TMEM74: variants seen among roughly 807,000 people sequenced by gnomAD.
TMEM74 encodes transmembrane protein 74.
In TMEM74, 13 loss-of-function variants were observed where a neutral mutation model predicts 18.1. That is an observed-to-expected ratio of 0.72 (90% CI 0.47 to 1.14). The LOEUF (loss-of-function observed/expected upper bound fraction) is 1.14. TMEM74 is among the 50% of genes most tolerant of loss of function. The pLI is 0.00. For synonymous variants in TMEM74, 159 were observed against 146.6 expected, an observed-to-expected ratio of 1.08 and a Z score of -0.61; for missense variants, 372 against 375.9, an observed-to-expected ratio of 0.99 and a Z score of 0.09.
chr8:108,697,347 T>C (rs76784652), intron 1 of TMEM74, among the ~76,000 whole-genome samples: 4,464 of 152,306 alleles, frequency 0.029, 120 homozygotes, highest in African/African-American at 0.066. Flanking sequence ...GCTAGTTATG[T>C]GGCTATTGAA....
chr8:108,690,476 G>GT (rs112620036), intron 1 of TMEM74, among the ~76,000 whole-genome samples: 1 of 151,518 alleles, frequency 6.6e-6, no homozygotes, highest in South Asian at 2.1e-4. Flanking sequence ...GGCAAGGCAG[G>GT]TTTTTTGTTT....
intron 2 of TMEM74, among the ~76,000 whole-genome samples, chr8:108,651,919 C>T (rs1812778520): frequency 6.6e-6 from 1 of 150,834 alleles, no homozygotes; most frequent in Non-Finnish European, 1.5e-5. Flanking sequence ...CTTATACACC[C>T]AGTGTTACGA....
At chr8:108,718,814 TC>T (rs1270755029) in intron 1 of TMEM74, among the ~76,000 whole-genome samples, 2 of 152,112 alleles carry the variant, frequency 1.3e-5, no homozygotes, top group Non-Finnish European at 2.9e-5. Flanking sequence ...AATTGTAGTT[TC>T]TATTCTTATT....
rs572724069 is a variant in TMEM74, at chr8:108,744,436, T to G, written n.119+43040A>C. Among the ~76,000 whole-genome samples, 11 of 152,192 alleles carry G rather than the reference T, an allele frequency of 7.2e-5. No homozygotes were observed. The South Asian group carries it at 2.3e-3, about 32-fold the overall frequency. On this transcript the variant is annotated intron_variant and non_coding_transcript_variant, in intron 1 of 3. Transcript: ENST00000518838. ...TTCTGTGGCTGTTTTTACTAAGAGA[T>G]TTTTAGGAGGTTTAGTATTTATACA...
intron 1 of TMEM74, among the ~76,000 whole-genome samples, chr8:108,732,163 T>C (rs1436824714): frequency 6.6e-6 from 1 of 152,172 alleles, no homozygotes. Context: ...TTTACAGTAG[T>C]ATTGGAGCCA....
At chr8:108,772,386 T>G (rs756913396) in intron 1 of TMEM74, among the ~76,000 whole-genome samples, 1 of 152,172 alleles carries the variant, frequency 6.6e-6, no homozygotes, top group African/African-American at 2.4e-5. Flanking sequence ...AACAAGTGAC[T>G]AGTATGAGTT....
At chr8:108,701,776 T>C (rs1296337874) in intron 1 of TMEM74, among the ~76,000 whole-genome samples, 5 of 152,176 alleles carry the variant, frequency 3.3e-5, no homozygotes, top group Non-Finnish European at 5.9e-5. Flanking sequence ...TTTATGTTCA[T>C]GTAAAGAGTC....
intron 2 of TMEM74, among the ~76,000 whole-genome samples, chr8:108,649,911 G>C (rs11992663): frequency 2.6e-5 from 4 of 151,890 alleles, no homozygotes; most frequent in Non-Finnish European, 5.9e-5. Flanking sequence ...ATTTTGCCTC[G>C]GCTTTCATAG....
chr8:108,629,667 G>C (rs1334441368), intron 2 of TMEM74, among the ~76,000 whole-genome samples: 1 of 151,958 alleles, frequency 6.6e-6, no homozygotes, highest in African/African-American at 2.4e-5. Context: ...AGAAGAGAGT[G>C]GGGGCCAACA....
At chr8:108,730,359 T>C (rs1481225559) in intron 1 of TMEM74, among the ~76,000 whole-genome samples, 1 of 152,072 alleles carries the variant, frequency 6.6e-6, no homozygotes, top group Non-Finnish European at 1.5e-5. Flanking sequence ...AGGGCTGCAT[T>C]TAAACAGTAG....
At chr8:108,751,963 A>G (rs1813907899) in intron 1 of TMEM74, among the ~76,000 whole-genome samples, 2 of 152,146 alleles carry the variant, frequency 1.3e-5, no homozygotes, top group African/African-American at 4.8e-5. Flanking sequence ...ACTTTATTAA[A>G]GAGAAAGAGG....
At chr8:108,680,825 A>T (rs543640165) in intron 1 of TMEM74, among the ~76,000 whole-genome samples, 3 of 152,312 alleles carry the variant, frequency 2.0e-5, no homozygotes, top group African/African-American at 7.2e-5. Context: ...AAGCCTCAGG[A>T]TACAAAATCA....
At chr8:108,676,150 G>A (rs1813054091) in intron 1 of TMEM74, among the ~76,000 whole-genome samples, 1 of 152,148 alleles carries the variant, frequency 6.6e-6, no homozygotes. Context: ...CTGGCTGGCA[G>A]AAATGGAATG....
chr8:108,750,920 CT>C (rs1813898381), intron 1 of TMEM74, among the ~76,000 whole-genome samples: 1 of 152,084 alleles, frequency 6.6e-6, no homozygotes, highest in Non-Finnish European at 1.5e-5. Flanking sequence ...GTTCTAAAGC[CT>C]TTTAAATAAA....
chr8:108,721,845 CT>C (rs1246094555), intron 1 of TMEM74, among the ~76,000 whole-genome samples: 1 of 152,166 alleles, frequency 6.6e-6, no homozygotes, highest in Non-Finnish European at 1.5e-5. Flanking sequence ...CATTGATCTG[CT>C]TTTATTTACC....
At position 108,756,718 on chromosome 8, in the gene TMEM74, AAG is replaced by A. The variant is rs1243890504; in HGVS notation, n.119+30756_119+30757del. On this transcript the variant is annotated intron_variant and non_coding_transcript_variant, in intron 1 of 3. Transcript: ENST00000518838. ...AAAGAAGGAAGGAAAGAAAGAAAGA[AAG>A]AGAAAGAAAGAAAGAGAAAGAAAGA... Among the ~76,000 whole-genome samples the A allele has an allele frequency of 1.1e-3, 99 of 91,088 alleles. 2 individuals are homozygous for A. Among genetic ancestry groups the A allele is most frequent in the African/African-American group, 2.1e-3 (50 of 23,532 alleles). The allele number at this position is 91,088 out of a possible 152,430, so 59.8% of individuals were successfully genotyped here. A position where few individuals can be genotyped will look rare whatever the true frequency, so the allele number is the denominator to read the frequency against.
At chr8:108,663,244 G>A (rs1438553411) in intron 1 of TMEM74, among the ~76,000 whole-genome samples, 1 of 152,058 alleles carries the variant, frequency 6.6e-6, no homozygotes, top group African/African-American at 2.4e-5. Flanking sequence ...CTAATATCCA[G>A]AGTCTACAAG....
At chr8:108,707,487 A>G (rs987458036) in intron 1 of TMEM74, among the ~76,000 whole-genome samples, 4 of 152,228 alleles carry the variant, frequency 2.6e-5, no homozygotes, top group African/African-American at 7.2e-5. Context: ...TGTCTTTAAT[A>G]GGCCATAATG....
At chr8:108,674,286 G>A (rs1813032046) in intron 1 of TMEM74, among the ~76,000 whole-genome samples, 1 of 152,114 alleles carries the variant, frequency 6.6e-6, no homozygotes, top group Non-Finnish European at 1.5e-5. Context: ...GTTAAATATT[G>A]ATGTGTTTGT....
Sources: gnomAD v4.1 joint callset for allele counts (sites outside exome capture counted in the v4.1 genomes callset) on GRCh38, gnomAD v4.1.1 for gene constraint, MANE v1.5 for transcripts, NCBI Gene and HGNC (gene_info 2026-07-23, HGNC 2026-07-21) for gene names.